Variants in DHRSX observed in about 807,000 individuals in gnomAD.
DHRSX encodes the protein polyprenol dehydrogenase.
In DHRSX, 31 loss-of-function variants were observed where a neutral mutation model predicts 34.0. That is an observed-to-expected ratio of 0.91 (90% CI 0.69 to 1.23). The LOEUF (loss-of-function observed/expected upper bound fraction) is 1.23, where lower values mean the gene tolerates loss of function less well. Among genes scored for constraint, DHRSX ranks in the 50% most tolerant of loss-of-function variants. DHRSX has a pLI of 0.00. For missense variants in DHRSX, 414 were observed against 428.1 expected (o/e 0.97, Z 0.29); for synonymous variants, 201 against 183.8 (o/e 1.09, Z -0.76).
At chrX:2,324,878 C>A (rs1429575759) in intron 3 of DHRSX, among the ~76,000 whole-genome samples, 1 of 150,812 alleles carries the variant, frequency 6.6e-6, no homozygotes, top group Non-Finnish European at 1.5e-5. Flanking sequence ...AAGCAATTCG[C>A]CTGCCTCAGC....
intron 3 of DHRSX, among the ~76,000 whole-genome samples, chrX:2,308,887 G>T (rs1002355388): frequency 6.5e-5 from 9 of 139,210 alleles, no homozygotes; most frequent in African/African-American, 2.5e-4. Flanking sequence ...GGTGGAAACG[G>T]GGAAGGAAGG....
chrX:2,345,532 A>G (rs890850283), intron 3 of DHRSX, among the ~76,000 whole-genome samples: 2 of 151,912 alleles, frequency 1.3e-5, no homozygotes, highest in Non-Finnish European at 2.9e-5. Flanking sequence ...CTATAATCAC[A>G]ACTACTCGGG....
At chrX:2,454,252 C>T (rs748816659) in intron 1 of DHRSX, among the ~76,000 whole-genome samples, 38 of 152,134 alleles carry the variant, frequency 2.5e-4, no homozygotes, top group Non-Finnish European at 4.9e-4. Flanking sequence ...CTGGGCCGGG[C>T]GCTGTGACTC....
intron 6 of DHRSX, among the ~76,000 whole-genome samples, chrX:2,232,999 C>T (rs969678345): frequency 2.6e-5 from 4 of 152,100 alleles, no homozygotes; most frequent in African/African-American, 9.7e-5. Flanking sequence ...TCAGCCTGTA[C>T]CTGTTTCTGT....
At chrX:2,316,145 A>AGCCACC (rs1337953919) in intron 3 of DHRSX, among the ~76,000 whole-genome samples, 3 of 146,758 alleles carry the variant, frequency 2.0e-5, no homozygotes, top group African/African-American at 7.4e-5. Context: ...AACAGGCGTG[A>AGCCACC]GCCACCGCGC....
At chrX:2,251,851 G>A (rs749229004) in intron 5 of DHRSX, among the ~76,000 whole-genome samples, 2 of 152,076 alleles carry the variant, frequency 1.3e-5, no homozygotes, top group Admixed American at 6.6e-5. Context: ...TAGCCATGGA[G>A]ACTTTGCAAA....
Position 2,339,682 on chromosome X carries a change from C to A in DHRSX, c.287-48079G>T, listed in dbSNP as rs186638135. The stretch of plus-strand genomic sequence containing the variant: ...GAGTTACTTCACTTAGAGTAATAGT[C>A]TCCAAAGGACATGAACTTGTCCTTT... On this transcript the variant is annotated intron_variant, in intron 3 of 6. Transcript: ENST00000334651. Among the ~76,000 whole-genome samples, 8 of 152,202 alleles carry A rather than the reference C, an allele frequency of 5.3e-5. No individual in the cohort carries two copies. In the East Asian group the frequency reaches 1.5e-3, roughly 29 times the overall value.
rs184414510 is a variant in DHRSX, at chrX:2,478,867, C to T, written c.109+21950G>A. On this transcript the variant is annotated intron_variant, in intron 1 of 6. Transcript: ENST00000334651. ...TAAGAATGTGGCCAAGGGACCACCA[C>T]GGTGTACACACTGAAGACGTTCCCT... Among the ~76,000 whole-genome samples, 110 of 151,762 alleles carry T rather than the reference C, an allele frequency of 7.2e-4. 1 individual carries two copies. The East Asian group carries it at 0.019, about 26-fold the overall frequency.
intron 3 of DHRSX, among the ~76,000 whole-genome samples, chrX:2,386,449 C>A (rs1353294803): frequency 4.6e-5 from 7 of 151,946 alleles, no homozygotes; most frequent in Admixed American, 4.6e-4. Flanking sequence ...GAACTCTGGA[C>A]CTCAGGTGAC....
At chrX:2,418,536 AT>A (rs925344474) in intron 2 of DHRSX, among the ~76,000 whole-genome samples, 13 of 152,344 alleles carry the variant, frequency 8.5e-5, no homozygotes, top group Admixed American at 6.5e-4. Flanking sequence ...ATAATTAAAC[AT>A]TGCCTAGCTA....
chrX:2,447,406 T>A (rs1339296673), intron 1 of DHRSX, among the ~76,000 whole-genome samples: 1 of 151,622 alleles, frequency 6.6e-6, no homozygotes, highest in East Asian at 1.9e-4. Flanking sequence ...TGAAGATGTT[T>A]CCAAAGAATA....
chrX:2,454,214 C>A (rs1231007829), intron 1 of DHRSX, among the ~76,000 whole-genome samples: 3 of 152,044 alleles, frequency 2.0e-5, no homozygotes, highest in African/African-American at 7.2e-5. Flanking sequence ...GGAAAGGATT[C>A]CAGTTATGTG....
intron 1 of DHRSX, among the ~76,000 whole-genome samples, chrX:2,462,807 T>TA (rs200231232): frequency 5.6e-4 from 81 of 145,790 alleles, no homozygotes; most frequent in African/African-American, 1.2e-3. Flanking sequence ...TTTATCAAAT[T>TA]AAAAAAAAAA....
intron 5 of DHRSX, among the ~76,000 whole-genome samples, chrX:2,253,444 C>A (rs1480560963): frequency 4.0e-5 from 6 of 150,666 alleles, no homozygotes; most frequent in Non-Finnish European, 8.9e-5. Flanking sequence ...ATGTCGCGGC[C>A]GCACTGCAGC....
intron 4 of DHRSX, among the ~76,000 whole-genome samples, chrX:2,269,890 CTGTA>C (rs1320752654): frequency 7.9e-5 from 12 of 152,098 alleles, no homozygotes; most frequent in Non-Finnish European, 1.2e-4. Context: ...TCTAGCGTTT[CTGTA>C]TGTATTTGTG....
chrX:2,379,076 C>T lies in DHRSX; in HGVS notation c.286+29669G>A, dbSNP rs773969788. On this transcript the variant is annotated intron_variant, in intron 3 of 6. Transcript: ENST00000334651. ...GTCTCCCATTACCCCTAGATGGGAC[C>T]GTCTAGTTGCAGGAAAGGCTTCCAG... Among the ~76,000 whole-genome samples the T allele has an allele frequency of 1.3e-3, 200 of 152,254 alleles. 1 individual carries two copies. Among genetic ancestry groups the T allele is most frequent in the African/African-American group, 4.5e-3 (187 of 41,520 alleles).
chrX:2,250,921 T>C (rs1302466573), intron 5 of DHRSX, among the ~76,000 whole-genome samples: 2 of 152,168 alleles, frequency 1.3e-5, no homozygotes, highest in African/African-American at 2.4e-5. Flanking sequence ...CCCACCTTCA[T>C]GTAACCAAAG....
chrX:2,266,604 C>G, intron 5 of DHRSX, 136 bp downstream of exon 5: 1 of 873,052 alleles, frequency 1.1e-6, no homozygotes, highest in Non-Finnish European at 1.9e-6. Context: ...CAGTGCTCGG[C>G]AGACGCAGGG....
At chrX:2,495,347 A>C (rs2045256143) in intron 1 of DHRSX, among the ~76,000 whole-genome samples, 1 of 151,824 alleles carries the variant, frequency 6.6e-6, no homozygotes, top group Non-Finnish European at 1.5e-5. Flanking sequence ...ACAAAGGTTT[A>C]TATTCTATTA....
Sources: gnomAD v4.1 joint callset for allele counts (sites outside exome capture counted in the v4.1 genomes callset) on GRCh38, gnomAD v4.1.1 for gene constraint, MANE v1.5 for transcripts, NCBI Gene and HGNC (gene_info 2026-07-23, HGNC 2026-07-21) for gene names.